The following CNTNAP2 variants were observed in gnomAD, a reference collection of about 807,000 sequenced individuals.
CNTNAP2 encodes contactin-associated protein-like 2.
A neutral mutation model predicts 155.2 loss-of-function variants in CNTNAP2; 98 were observed. That is an observed-to-expected ratio of 0.63 (90% CI 0.54 to 0.75). The LOEUF (loss-of-function observed/expected upper bound fraction) is 0.75, where lower values mean the gene tolerates loss of function less well. Among genes scored for constraint, CNTNAP2 ranks in the 30% least tolerant of loss-of-function variants. The pLI is 0.00. For missense variants in CNTNAP2, 1,727 were observed against 1,688.1 expected (o/e 1.02, Z -0.40); for synonymous variants, 651 against 631.2 (o/e 1.03, Z -0.47).
chr7:147,290,540 G>A (rs576857117), intron 8 of CNTNAP2, among the ~76,000 whole-genome samples: 15 of 152,034 alleles, frequency 9.9e-5, no homozygotes, highest in South Asian at 4.2e-4. Context: ...AAAATTAGCC[G>A]AGCGTGGTGG....
chr7:146,798,009 T>TA (rs56662982), intron 2 of CNTNAP2, among the ~76,000 whole-genome samples: 13,295 of 152,174 alleles, frequency 0.087, 1,791 homozygotes, highest in African/African-American at 0.29. Flanking sequence ...TGTGGTGGCT[T>TA]ACAGCTGTAA....
Position 146,867,781 on chromosome 7 carries a change from C to CT in CNTNAP2, c.402+27887dup, listed in dbSNP as rs1457866004. On this transcript the variant is annotated intron_variant, in intron 3 of 23. Coordinates refer to ENST00000361727, the MANE Select transcript of CNTNAP2 (RefSeq NM_014141.6). ...GTTCTCTAATGATCAGTGATAGTGA[C>CT]TTTTTTTTTTCATATGCTCGTTGGC... 5.5e-4 allele frequency among the ~76,000 whole-genome samples: 83 copies of CT among 150,830 alleles called. No individual in the cohort carries two copies. The East Asian group carries it at 5.8e-3, about 11-fold the overall frequency.
chr7:146,554,702 A>T (rs1195055269), intron 1 of CNTNAP2, among the ~76,000 whole-genome samples: 1 of 152,222 alleles, frequency 6.6e-6, no homozygotes, highest in Non-Finnish European at 1.5e-5. Flanking sequence ...CCGTGCTACC[A>T]GCTCTTGCTA....
chr7:147,464,773 A>C (rs1798086763), intron 10 of CNTNAP2, among the ~76,000 whole-genome samples: 1 of 152,204 alleles, frequency 6.6e-6, no homozygotes. Context: ...ATTTCATAGC[A>C]GTGTGATTTT....
At chr7:146,747,143 T>C (rs1039062751) in intron 1 of CNTNAP2, among the ~76,000 whole-genome samples, 28 of 152,160 alleles carry the variant, frequency 1.8e-4, no homozygotes, top group African/African-American at 6.3e-4. Flanking sequence ...ATGACTACTT[T>C]ATGTGCATGG....
chr7:148,316,580 T>G (rs1797693375), intron 21 of CNTNAP2, among the ~76,000 whole-genome samples: 1 of 152,238 alleles, frequency 6.6e-6, no homozygotes, highest in Non-Finnish European at 1.5e-5. Context: ...ACACCTATTT[T>G]ATGCAAAGTT....
intron 14 of CNTNAP2, among the ~76,000 whole-genome samples, chr7:147,966,186 A>AG (rs1801206697): frequency 6.6e-6 from 1 of 152,180 alleles, no homozygotes; most frequent in East Asian, 1.9e-4. Context: ...GGCATCAAGA[A>AG]GAAAAAAAGC....
chr7:147,558,319 A>G (rs1799990090), intron 11 of CNTNAP2, among the ~76,000 whole-genome samples: 1 of 152,142 alleles, frequency 6.6e-6, no homozygotes, highest in African/African-American at 2.4e-5. Flanking sequence ...GTACAATTTT[A>G]CTGTATTGTC....
chr7:146,413,719 G>A (rs971777824), intron 1 of CNTNAP2, among the ~76,000 whole-genome samples: 3 of 152,108 alleles, frequency 2.0e-5, no homozygotes, highest in Admixed American at 2.0e-4. Context: ...TACTGCATGT[G>A]AGATTTCAAC....
At chr7:146,238,116 G>A (rs1799503759) in intron 1 of CNTNAP2, among the ~76,000 whole-genome samples, 1 of 152,176 alleles carries the variant, frequency 6.6e-6, no homozygotes, top group South Asian at 2.1e-4. Flanking sequence ...GCATGATAAA[G>A]ATCCTAGAGT....
At chr7:146,390,228 T>C (rs1292179035) in intron 1 of CNTNAP2, among the ~76,000 whole-genome samples, 3 of 152,180 alleles carry the variant, frequency 2.0e-5, no homozygotes, top group Admixed American at 2.0e-4. Flanking sequence ...AAATATTACT[T>C]TGTAAATATT....
intron 2 of CNTNAP2, among the ~76,000 whole-genome samples, chr7:146,778,516 G>A (rs1396287571): frequency 1.3e-5 from 2 of 152,090 alleles, no homozygotes; most frequent in Non-Finnish European, 2.9e-5. Context: ...TGTGATCTGT[G>A]TTCTGATTTA....
chr7:146,431,711 GGTTA>G (rs959759213), intron 1 of CNTNAP2, among the ~76,000 whole-genome samples: 6 of 152,032 alleles, frequency 3.9e-5, no homozygotes, highest in Non-Finnish European at 8.8e-5. Flanking sequence ...TCACACAGCT[GGTTA>G]GTAAGTAAGA....
At chr7:147,464,204 A>T (rs1396912283) in intron 10 of CNTNAP2, among the ~76,000 whole-genome samples, 1 of 152,120 alleles carries the variant, frequency 6.6e-6, no homozygotes, top group Non-Finnish European at 1.5e-5. Flanking sequence ...GTGGTGGCTC[A>T]CACTTGTAAT....
intron 11 of CNTNAP2, among the ~76,000 whole-genome samples, chr7:147,545,265 T>C (rs1030966142): frequency 6.6e-6 from 1 of 152,164 alleles, no homozygotes; most frequent in Non-Finnish European, 1.5e-5. Flanking sequence ...CAGAAATTTG[T>C]CTACTGAAAC....
chr7:147,751,014 C>T (rs2030761), intron 13 of CNTNAP2, among the ~76,000 whole-genome samples: 106,564 of 151,822 alleles, frequency 0.7, 38,567 homozygotes, highest in East Asian at 0.96. Context: ...CACTCCAGCC[C>T]GGGGGACACA....
intron 1 of CNTNAP2, among the ~76,000 whole-genome samples, chr7:146,552,709 C>G (rs1488567202): frequency 6.6e-6 from 1 of 152,074 alleles, no homozygotes; most frequent in African/African-American, 2.4e-5. Flanking sequence ...TTTGTGCCCC[C>G]ATTATCTCCC....
Position 148,349,623 on chromosome 7 carries a change from G to A in CNTNAP2, c.3476-34026G>A, listed in dbSNP as rs913373524. On this transcript the variant is annotated intron_variant, in intron 21 of 23. Transcript: ENST00000361727. ...TCACTGCGTTAGACAGGATGGTCTC[G>A]ATCTCCTGACCTCGTGATCCGCCCG... is the stretch of plus-strand genomic sequence containing the variant. Among the ~76,000 whole-genome samples the A allele has an allele frequency of 2.0e-5, 3 of 151,964 alleles. 1 individual carries two copies. Among genetic ancestry groups the A allele is most frequent in the South Asian group, 4.2e-4 (2 of 4,812 alleles).
At chr7:146,313,443 A>C (rs1377151228) in intron 1 of CNTNAP2, among the ~76,000 whole-genome samples, 1 of 152,208 alleles carries the variant, frequency 6.6e-6, no homozygotes, top group Non-Finnish European at 1.5e-5. Flanking sequence ...TATGACGTGG[A>C]TATAAACCCC....
Sources: allele counts gnomAD v4.1 joint callset (sites outside exome capture counted in the v4.1 genomes callset), GRCh38; gene constraint gnomAD v4.1.1; transcripts MANE v1.5; gene names NCBI Gene and HGNC (gene_info 2026-07-23, HGNC 2026-07-21).